Variants in ABCA13 observed in about 807,000 individuals in gnomAD.
The protein encoded by ABCA13 is ATP-binding cassette sub-family A member 13.
ABCA13 carries 476 observed loss-of-function variants against 478.7 expected under a neutral mutation model. The observed-to-expected ratio is 0.99, with a 90% CI of 0.92 to 1.07. The LOEUF (loss-of-function observed/expected upper bound fraction) is 1.07, where lower values mean the gene tolerates loss of function less well. ABCA13 is among the 50% of genes least tolerant of loss of function. ABCA13 has a pLI of 0.00. For synonymous variants in ABCA13, 2,252 were observed against 2,158.9 expected, an observed-to-expected ratio of 1.04 and a Z score of -1.20; for missense variants, 6,060 against 5,910.6, an observed-to-expected ratio of 1.03 and a Z score of -0.83.
intron 43 of ABCA13, among the ~76,000 whole-genome samples, chr7:48,459,253 C>T (rs1825997981): frequency 6.6e-6 from 1 of 152,160 alleles, no homozygotes; most frequent in Admixed American, 6.5e-5. Context: ...CCTGACGGAC[C>T]TGCTCAAAAC....
At chr7:48,224,591 T>C (rs1787878846) in intron 5 of ABCA13, among the ~76,000 whole-genome samples, 1 of 152,200 alleles carries the variant, frequency 6.6e-6, no homozygotes, top group African/African-American at 2.4e-5. Context: ...TGAGTATCAA[T>C]ATGTTGTTTT....
At chr7:48,524,156 A>C (rs11185607) in intron 53 of ABCA13, 92 bp from the exon 54 acceptor site, 428,673 of 1,241,500 alleles carry the variant, frequency 0.35, 81,845 homozygotes, top group African/African-American at 0.76. Context: ...TGATATCTTC[A>C]ATTTTTTACA....
At chr7:48,610,769 C>A (rs1405969764) in intron 58 of ABCA13, among the ~76,000 whole-genome samples, 1 of 152,158 alleles carries the variant, frequency 6.6e-6, no homozygotes, top group Non-Finnish European at 1.5e-5. Context: ...TGCTTGCACT[C>A]TCTGGACCAG....
intron 42 of ABCA13, among the ~76,000 whole-genome samples, chr7:48,449,557 T>C (rs1272230405): frequency 6.6e-6 from 1 of 152,220 alleles, no homozygotes; most frequent in African/African-American, 2.4e-5. Context: ...GGCATCCTGA[T>C]GCTAGAGTGT....
intron 43 of ABCA13, among the ~76,000 whole-genome samples, chr7:48,465,524 CTT>C (rs71552482): frequency 2.1e-3 from 283 of 134,380 alleles, no homozygotes; most frequent in East Asian, 5.3e-3. Flanking sequence ...TTTCTTCTTT[CTT>C]TTTTTTTTTT....
intron 1 of ABCA13, among the ~76,000 whole-genome samples, chr7:48,191,990 G>GT (rs1441106487): frequency 3.3e-5 from 5 of 152,054 alleles, no homozygotes; most frequent in African/African-American, 1.2e-4. Flanking sequence ...AGATTTTTAG[G>GT]TTTTTTTTTG....
chr7:48,436,637 T>C (rs1446188576), intron 42 of ABCA13, among the ~76,000 whole-genome samples: 1 of 151,866 alleles, frequency 6.6e-6, no homozygotes, highest in Non-Finnish European at 1.5e-5. Flanking sequence ...TTTCTTCTCA[T>C]ATAAGAGAAG....
At chr7:48,398,856 T>C (rs1585154185) in intron 38 of ABCA13, among the ~76,000 whole-genome samples, 1 of 151,928 alleles carries the variant, frequency 6.6e-6, no homozygotes, top group East Asian at 1.9e-4. Context: ...TATGGAGAGA[T>C]GGGGAGAAAA....
intron 48 of ABCA13, among the ~76,000 whole-genome samples, chr7:48,500,695 A>G (rs994476570): frequency 2.0e-5 from 3 of 152,170 alleles, no homozygotes; most frequent in African/African-American, 7.2e-5. Flanking sequence ...CATGGGTTTC[A>G]CCCTGCACCT....
intron 11 of ABCA13, 144 bp from the exon 12 acceptor site, chr7:48,245,368 A>G (rs1791509292): frequency 3.6e-6 from 2 of 562,866 alleles, no homozygotes; most frequent in South Asian, 3.8e-5. Flanking sequence ...TTTCCTTTCT[A>G]AGGAAGAGAA....
chr7:48,331,003 A>G (rs1417169401), intron 27 of ABCA13, among the ~76,000 whole-genome samples: 2 of 152,182 alleles, frequency 1.3e-5, no homozygotes, highest in African/African-American at 4.8e-5. Flanking sequence ...TCAAATCTTC[A>G]AATTCCTCTG....
intron 19 of ABCA13, among the ~76,000 whole-genome samples, chr7:48,287,737 T>C (rs1190140623): frequency 6.6e-6 from 1 of 152,138 alleles, no homozygotes; most frequent in Non-Finnish European, 1.5e-5. Flanking sequence ...ATAATTAATA[T>C]TTACAAAATC....
intron 41 of ABCA13, among the ~76,000 whole-genome samples, chr7:48,416,385 A>C (rs997969603): frequency 6.6e-6 from 1 of 152,092 alleles, no homozygotes; most frequent in Non-Finnish European, 1.5e-5. Flanking sequence ...GGGTGCTGAG[A>C]GAGCTGGGCC....
chr7:48,579,556 G>A (rs1432795888), intron 55 of ABCA13, among the ~76,000 whole-genome samples: 1 of 152,196 alleles, frequency 6.6e-6, no homozygotes, highest in East Asian at 1.9e-4. Flanking sequence ...TTGGCAGACA[G>A]TTTGGCAGAA....
intron 59 of ABCA13, among the ~76,000 whole-genome samples, chr7:48,629,035 A>G (rs1260816392): frequency 6.6e-6 from 1 of 152,198 alleles, no homozygotes; most frequent in African/African-American, 2.4e-5. Context: ...CTTTCTCTCA[A>G]AACAGTCTGC....
rs1812815084 is a variant in ABCA13 at position 48,372,573 on chromosome 7, C to T, written c.11133+76C>T. Reference sequence around the variant, plus strand: ...TCTATCTAACAAGACAAAATCCCACCACTCTCACTTTTTCAATTTGTCATG... The same window carrying T: ...TCTATCTAACAAGACAAAATCCCACTACTCTCACTTTTTCAATTTGTCATG... On this transcript the variant is annotated intron_variant, in intron 33 of 61. Coordinates refer to ENST00000435803, the MANE Select transcript of ABCA13 (RefSeq NM_152701.5). The T allele has an allele frequency of 4.2e-6, 5 of 1,200,002 alleles. No individual in the cohort carries two copies. In the South Asian group the frequency reaches 4.8e-5, roughly 11 times the overall value. The allele number at this position is 1,200,002 out of a possible 1,614,324, so 74.3% of individuals were successfully genotyped here. A position where few individuals can be genotyped will look rare whatever the true frequency, so the allele number is the denominator to read the frequency against.
At position 48,507,919 on chromosome 7, in the gene ABCA13, G is replaced by C; in HGVS notation, c.13394G>C (p.Gly4465Ala). Residue 4465 changes from glycine to alanine, a missense_variant, in exon 50 of 62, where the codon GGA (glycine) becomes GCA (alanine). Physicochemically the swap from Gly to Ala is moderately conservative, Grantham distance 60. Coordinates refer to ENST00000435803, the MANE Select transcript of ABCA13 (RefSeq NM_152701.5). ...QCGVALCIVLGFSILSASIGS... is the reference protein window; with the variant it reads ...QCGVALCIVLAFSILSASIGS... ...GGAGTGGCCCTCTGCATCGTGCTGG[G>C]ATTCTCCATCCTGTCTGCATCCATC... The C allele has an allele frequency of 6.2e-7, 1 of 1,613,124 alleles. No individual in the cohort carries two copies. The highest frequency in any genetic ancestry group is 8.5e-7 in the Non-Finnish European group (1 of 1,179,558).
chr7:48,316,552 GA>G (rs547802323), intron 26 of ABCA13, among the ~76,000 whole-genome samples: 117 of 151,994 alleles, frequency 7.7e-4, no homozygotes, highest in African/African-American at 2.7e-3. Context: ...CTATAACAGG[GA>G]AAAAAAATCT....
chr7:48,380,223 C>T (rs531616154), intron 35 of ABCA13, among the ~76,000 whole-genome samples: 62 of 152,236 alleles, frequency 4.1e-4, no homozygotes, highest in Non-Finnish European at 7.8e-4. Flanking sequence ...GTTACTAACC[C>T]TTATTAATAC....
Sources: gnomAD v4.1 joint callset for allele counts (sites outside exome capture counted in the v4.1 genomes callset) on GRCh38, gnomAD v4.1.1 for gene constraint, MANE v1.5 for transcripts, NCBI Gene and HGNC (gene_info 2026-07-23, HGNC 2026-07-21) for gene names.